COL24A1: variants seen among roughly 807,000 people sequenced by gnomAD.
The protein encoded by COL24A1 is collagen alpha-1(XXIV) chain.
COL24A1 carries 224 observed loss-of-function variants against 253.9 expected under a neutral mutation model. That is an observed-to-expected ratio of 0.88 (90% CI 0.79 to 0.99). COL24A1 has a LOEUF of 0.99. Among genes scored for constraint, COL24A1 ranks in the 50% least tolerant of loss-of-function variants. The probability of loss-of-function intolerance (pLI) is 0.00; values close to 1 mark genes in which losing one functional copy is unlikely to be tolerated. For synonymous variants in COL24A1, 685 were observed against 673.7 expected (o/e 1.02, Z -0.26); for missense variants, 2,131 against 2,068.5 (o/e 1.03, Z -0.59).
At chr1:85,860,054 A>T (rs1419286694) in intron 37 of COL24A1, among the ~76,000 whole-genome samples, 2,919 of 152,284 alleles carry the variant, frequency 0.019, 89 homozygotes, top group African/African-American at 0.068. Flanking sequence ...TAGAGGAACC[A>T]GTTGGGATTC....
At chr1:86,060,258 A>G (rs1476852896) in intron 8 of COL24A1, among the ~76,000 whole-genome samples, 2 of 152,042 alleles carry the variant, frequency 1.3e-5, no homozygotes, top group Non-Finnish European at 1.5e-5. Flanking sequence ...GTTTATTCAG[A>G]GTTTGGGTCT....
chr1:86,137,421 A>T (rs1403792872), intron 2 of COL24A1, among the ~76,000 whole-genome samples: 3 of 152,178 alleles, frequency 2.0e-5, no homozygotes, highest in Non-Finnish European at 2.9e-5. Flanking sequence ...TACATGTGAG[A>T]GTTAGGAAAA....
Position 86,150,864 on chromosome 1 carries a change from G to A in COL24A1, c.57-4681C>T, listed in dbSNP as rs74943060. 1.9e-3 allele frequency among the ~76,000 whole-genome samples: 283 copies of A among 152,180 alleles called. No individual in the cohort carries two copies. The Middle Eastern group carries it at 0.02, about 11-fold the overall frequency. Reference sequence around the variant, plus strand: ...TCCTCTATGGAAGCAGCTGTTCTTTGTCCTTCTGGGTCTTAGCTGACTCAT... The same window carrying A: ...TCCTCTATGGAAGCAGCTGTTCTTTATCCTTCTGGGTCTTAGCTGACTCAT... On this transcript the variant is annotated intron_variant, in intron 1 of 59. Transcript: ENST00000370571.
Position 86,061,968 on chromosome 1 carries a change from T to C in COL24A1, c.1752+1747A>G, listed in dbSNP as rs186207477. The stretch of plus-strand genomic sequence containing the variant: ...AATTCCGGCACTGCTCCAGCACTGC[T>C]ACTATAGTTTCTCTGTTTTTTCATT... On this transcript the variant is annotated intron_variant, in intron 8 of 59. Coordinates refer to ENST00000370571, the MANE Select transcript of COL24A1 (RefSeq NM_152890.7). 1.2e-3 allele frequency among the ~76,000 whole-genome samples: 186 copies of C among 152,218 alleles called. 1 individual carries two copies. Among genetic ancestry groups the C allele is most frequent in the African/African-American group, 3.7e-3 (152 of 41,564 alleles).
intron 24 of COL24A1, among the ~76,000 whole-genome samples, chr1:85,924,644 T>A (rs1686967953): frequency 6.6e-6 from 1 of 152,144 alleles, no homozygotes; most frequent in African/African-American, 2.4e-5. Context: ...AAACTCTCAA[T>A]AAACTAGGTA....
chr1:85,772,880 C>T (rs1668126575), intron 53 of COL24A1, among the ~76,000 whole-genome samples: 1 of 152,136 alleles, frequency 6.6e-6, no homozygotes, highest in Non-Finnish European at 1.5e-5. Flanking sequence ...TTAATTAGAT[C>T]CCATTTGTCA....
chr1:85,950,895 C>CT (rs1466986358), intron 24 of COL24A1, among the ~76,000 whole-genome samples: 1 of 152,182 alleles, frequency 6.6e-6, no homozygotes, highest in Non-Finnish European at 1.5e-5. Flanking sequence ...TAGTAGAAGC[C>CT]AGGTGAGCTG....
At chr1:85,786,267 C>A in intron 48 of COL24A1, 87 bp downstream of exon 48, 1 of 1,155,176 alleles carries the variant, frequency 8.7e-7, no homozygotes, top group Non-Finnish European at 1.2e-6. Context: ...AACTATTAAT[C>A]TTACCATTCT....
intron 37 of COL24A1, among the ~76,000 whole-genome samples, chr1:85,858,622 T>TC (rs72239513): frequency 5.9e-4 from 19 of 31,996 alleles, no homozygotes; most frequent in Admixed American, 1.1e-3. Flanking sequence ...ATTTTCTCCC[T>TC]CCTTCCTTCC....
chr1:85,858,690 T>TCCTTCCTTCCTTC (rs1167077915), intron 37 of COL24A1, among the ~76,000 whole-genome samples: 2 of 135,002 alleles, frequency 1.5e-5, no homozygotes, highest in Non-Finnish European at 1.6e-5. Context: ...CCTCCGTCCT[T>TCCTTCCTTCCTTC]CTTCCCTCCC....
intron 23 of COL24A1, among the ~76,000 whole-genome samples, chr1:85,963,025 T>C (rs72712798): frequency 0.12 from 17,639 of 152,144 alleles, 1,140 homozygotes; most frequent in South Asian, 0.23. Context: ...GGATATAATA[T>C]TTGGATATCT....
At chr1:85,988,794 C>T (rs771152188) in intron 19 of COL24A1, among the ~76,000 whole-genome samples, 13 of 152,024 alleles carry the variant, frequency 8.6e-5, no homozygotes, top group African/African-American at 1.4e-4. Flanking sequence ...ATGATACCAA[C>T]GTATCCAGTC....
chr1:86,000,137 C>T (rs1365447709), intron 19 of COL24A1, among the ~76,000 whole-genome samples: 2 of 152,086 alleles, frequency 1.3e-5, no homozygotes, highest in Non-Finnish European at 2.9e-5. Flanking sequence ...TATTAATAAA[C>T]AATCTAATTC....
chr1:85,961,268 A>G lies in COL24A1; in HGVS notation c.2543T>C (p.Ile848Thr), dbSNP rs779437533. The change falls in exon 24 of 60, where the codon ATT (isoleucine) becomes ACT (threonine). Residue 848 changes from isoleucine (I) to threonine (T), a missense_variant. Coordinates refer to ENST00000370571, the MANE Select transcript of COL24A1 (RefSeq NM_152890.7). ...LKGEVGDQGN[I>T]GKIGETGPVG... ...GCTTACTGTTTCACCAATTTTTCCAATATTTCCTTGATCTCCTACTTCTCC... is the reference window on the plus strand; with the variant it reads ...GCTTACTGTTTCACCAATTTTTCCAGTATTTCCTTGATCTCCTACTTCTCC... 6 of 1,605,614 alleles carry G rather than the reference A, an allele frequency of 3.7e-6. No homozygotes were observed. The East Asian group carries it at 1.3e-4, about 36-fold the overall frequency.
At chr1:85,772,604 A>AT (rs1184280689) in intron 53 of COL24A1, among the ~76,000 whole-genome samples, 2 of 151,984 alleles carry the variant, frequency 1.3e-5, no homozygotes, top group Non-Finnish European at 2.9e-5. Flanking sequence ...TTTGATTTGC[A>AT]TTTCTCTAAT....
intron 5 of COL24A1, among the ~76,000 whole-genome samples, chr1:86,105,820 C>T (rs1250926844): frequency 1.3e-5 from 2 of 152,154 alleles, no homozygotes; most frequent in African/African-American, 4.8e-5. Flanking sequence ...AAGCAGGTTG[C>T]TCCTTGCCAG....
intron 5 of COL24A1, among the ~76,000 whole-genome samples, chr1:86,100,616 C>T (rs143048115): frequency 3.9e-5 from 6 of 152,168 alleles, no homozygotes; most frequent in African/African-American, 9.6e-5. Context: ...AGATGACACA[C>T]GCTGGGATCC....
chr1:86,151,119 A>G (rs1380758738), intron 1 of COL24A1, among the ~76,000 whole-genome samples: 3 of 151,990 alleles, frequency 2.0e-5, no homozygotes, highest in Non-Finnish European at 4.4e-5. Flanking sequence ...ATACACATAC[A>G]TATATATAAA....
At chr1:86,017,081 ATGT>A in intron 19 of COL24A1, 67 bp downstream of exon 19, 3 of 1,341,632 alleles carry the variant, frequency 2.2e-6, no homozygotes, top group Non-Finnish European at 3.1e-6. Context: ...ATGTTGAAAC[ATGT>A]TTTATCAAAC....
Sources: gnomAD v4.1 joint callset for allele counts (sites outside exome capture counted in the v4.1 genomes callset) on GRCh38, gnomAD v4.1.1 for gene constraint, MANE v1.5 for transcripts, NCBI Gene and HGNC (gene_info 2026-07-23, HGNC 2026-07-21) for gene names.